Variants in UBAC2 observed in about 807,000 individuals in gnomAD.
UBAC2 encodes UBA domain containing 2, also known as ubiquitin-associated domain-containing protein 2.
In UBAC2, 26 loss-of-function variants were observed where a neutral mutation model predicts 44.0. The ratio of observed to expected loss-of-function variants is 0.59; its 90% confidence interval spans 0.43 to 0.82. The LOEUF (loss-of-function observed/expected upper bound fraction) is 0.82. Ranked by LOEUF, UBAC2 falls within the 40% of genes least tolerant of loss-of-function variation. The pLI, the probability that UBAC2 is intolerant of heterozygous loss-of-function variation, is 0.00. For missense variants in UBAC2, 329 were observed against 419.4 expected, an observed-to-expected ratio of 0.78 and a Z score of 1.88; for synonymous variants, 155 against 154.3, an observed-to-expected ratio of 1.00 and a Z score of -0.04.
At chr13:99,202,874 C>T (rs945144656) in intron 1 of UBAC2, among the ~76,000 whole-genome samples, 9 of 152,120 alleles carry the variant, frequency 5.9e-5, no homozygotes, top group Admixed American at 1.3e-4. Flanking sequence ...AATGCAGCAA[C>T]GAACAGGTCC....
chr13:99,274,336 CT>C (rs1220417966), intron 4 of UBAC2, among the ~76,000 whole-genome samples: 3 of 149,206 alleles, frequency 2.0e-5, no homozygotes, highest in Non-Finnish European at 4.5e-5. Flanking sequence ...CATTCTACTG[CT>C]TTTTTTTTTC....
At chr13:99,236,161 A>G (rs888392438) in intron 1 of UBAC2, among the ~76,000 whole-genome samples, 2 of 152,232 alleles carry the variant, frequency 1.3e-5, no homozygotes, top group Non-Finnish European at 2.9e-5. Context: ...CTTTTTGTGT[A>G]AGATCTCAAA....
chr13:99,275,267 A>G (rs569532454), intron 4 of UBAC2, among the ~76,000 whole-genome samples: 15 of 152,184 alleles, frequency 9.9e-5, no homozygotes, highest in African/African-American at 3.6e-4. Context: ...TGGAAGACTC[A>G]CAGTGCTGTT....
intron 4 of UBAC2, among the ~76,000 whole-genome samples, chr13:99,269,625 A>G (rs1358376490): frequency 6.6e-6 from 1 of 152,220 alleles, no homozygotes; most frequent in Non-Finnish European, 1.5e-5. Flanking sequence ...GAGCTAAATA[A>G]TGAGTTGGTA....
At chr13:99,276,701 T>C (rs1386878530) in intron 4 of UBAC2, among the ~76,000 whole-genome samples, 1 of 152,238 alleles carries the variant, frequency 6.6e-6, no homozygotes, top group East Asian at 1.9e-4. Context: ...CACTTGGTCT[T>C]CCTGCTGGTC....
At chr13:99,334,548 C>T (rs1204658179) in intron 6 of UBAC2, among the ~76,000 whole-genome samples, 2 of 152,134 alleles carry the variant, frequency 1.3e-5, no homozygotes, top group East Asian at 3.8e-4. Context: ...CAAGCTTCTC[C>T]TGTTTTACAT....
At chr13:99,209,850 G>A (rs570700213) in intron 1 of UBAC2, among the ~76,000 whole-genome samples, 6 of 152,266 alleles carry the variant, frequency 3.9e-5, no homozygotes, top group Non-Finnish European at 8.8e-5. Flanking sequence ...GTTGGCGCCT[G>A]TAATCCCAGC....
chr13:99,235,486 A>G (rs2043222754), intron 1 of UBAC2, among the ~76,000 whole-genome samples: 2 of 152,242 alleles, frequency 1.3e-5, no homozygotes, highest in African/African-American at 4.8e-5. Context: ...AATCCTGAGC[A>G]AAAAGAACAA....
intron 1 of UBAC2, among the ~76,000 whole-genome samples, chr13:99,234,896 G>GA (rs1367331839): frequency 2.0e-5 from 3 of 152,020 alleles, no homozygotes; most frequent in Non-Finnish European, 2.9e-5. Flanking sequence ...GTTCTATTGG[G>GA]AAAAAAAGTG....
intron 4 of UBAC2, among the ~76,000 whole-genome samples, chr13:99,280,038 T>C (rs947609889): frequency 5.9e-5 from 9 of 152,206 alleles, no homozygotes; most frequent in Middle Eastern, 3.2e-3. Context: ...GATCTTTTGA[T>C]TTCATCTCCT....
At chr13:99,326,554 A>G (rs752227287) in intron 6 of UBAC2, among the ~76,000 whole-genome samples, 4 of 152,222 alleles carry the variant, frequency 2.6e-5, no homozygotes, top group African/African-American at 4.8e-5. Context: ...TTTCTGTACT[A>G]TAAAACATTA....
intron 1 of UBAC2, among the ~76,000 whole-genome samples, chr13:99,209,433 T>G (rs79644438): frequency 1.1e-3 from 172 of 152,300 alleles, no homozygotes; most frequent in African/African-American, 3.7e-3. Context: ...CAGCAGCCCT[T>G]CTCTTTTGGT....
At chr13:99,247,363 C>T (rs991216902) in intron 4 of UBAC2, among the ~76,000 whole-genome samples, 2 of 151,404 alleles carry the variant, frequency 1.3e-5, no homozygotes, top group Admixed American at 6.6e-5. Flanking sequence ...TACAGGCGCC[C>T]GCTACCACGC....
At chr13:99,333,870 T>G (rs1008231193) in intron 6 of UBAC2, among the ~76,000 whole-genome samples, 1 of 152,172 alleles carries the variant, frequency 6.6e-6, no homozygotes, top group Non-Finnish European at 1.5e-5. Flanking sequence ...AATTAAGAGC[T>G]TCTACCAAAT....
At chr13:99,354,217 G>C (rs977735644) in intron 7 of UBAC2, among the ~76,000 whole-genome samples, 2 of 152,216 alleles carry the variant, frequency 1.3e-5, no homozygotes, top group East Asian at 1.9e-4. Flanking sequence ...ATAGGGGGTT[G>C]TACAGGTGAC....
chr13:99,377,611 A>T (rs917595900), intron 8 of UBAC2: 3 of 152,226 alleles, frequency 2.0e-5, no homozygotes, highest in Non-Finnish European at 2.9e-5. Context: ...TGTATTTGCT[A>T]AACTTTATAA....
chr13:99,227,624 A>T (rs58304241), intron 1 of UBAC2, among the ~76,000 whole-genome samples: 2,227 of 152,262 alleles, frequency 0.015, 58 homozygotes, highest in African/African-American at 0.051. Context: ...TTCATTTCTC[A>T]TAGGATTTAT....
chr13:99,303,451 A>G (rs1246739686), intron 4 of UBAC2, among the ~76,000 whole-genome samples: 2 of 152,200 alleles, frequency 1.3e-5, no homozygotes, highest in East Asian at 3.8e-4. Context: ...AAAGCCACCT[A>G]TGTGGCTTTT....
intron 4 of UBAC2, among the ~76,000 whole-genome samples, chr13:99,268,973 G>T (rs1484994949): frequency 6.6e-6 from 1 of 152,182 alleles, no homozygotes; most frequent in Non-Finnish European, 1.5e-5. Context: ...TGAAAGAGGA[G>T]TTAAATAAGG....
Sources: gnomAD v4.1 joint callset for allele counts (sites outside exome capture counted in the v4.1 genomes callset) on GRCh38, gnomAD v4.1.1 for gene constraint, MANE v1.5 for transcripts, NCBI Gene and HGNC (gene_info 2026-07-23, HGNC 2026-07-21) for gene names.